NLGN1: variants seen among roughly 807,000 people sequenced by gnomAD.
The protein encoded by NLGN1 is neuroligin-1.
A neutral mutation model predicts 65.5 loss-of-function variants in NLGN1; 12 were observed. The observed-to-expected ratio is 0.18, with a 90% confidence interval of 0.12 to 0.30. The LOEUF (loss-of-function observed/expected upper bound fraction) is 0.30, where lower values mean the gene tolerates loss of function less well. Among genes scored for constraint, NLGN1 ranks in the 10% least tolerant of loss-of-function variants. The probability of loss-of-function intolerance (pLI) is 1.00; values close to 1 mark genes in which losing one functional copy is unlikely to be tolerated. For synonymous variants in NLGN1, 350 were observed against 359.5 expected (o/e 0.97, Z 0.30); for missense variants, 750 against 1,007.1 (o/e 0.74, Z 3.46).
chr3:174,273,129 T>TTCTC (rs1472836155), intron 4 of NLGN1, among the ~76,000 whole-genome samples: 1 of 151,646 alleles, frequency 6.6e-6, no homozygotes, highest in Non-Finnish European at 1.5e-5. Context: ...GATACCGTGG[T>TTCTC]TCTCTACATG....
chr3:173,433,750 T>C (rs985198653), intron 1 of NLGN1, among the ~76,000 whole-genome samples: 25 of 152,188 alleles, frequency 1.6e-4, no homozygotes, highest in Admixed American at 1.6e-3. Context: ...TTAATTGAGC[T>C]CTTCCTAAAA....
chr3:173,799,207 T>C (rs1465620667), intron 3 of NLGN1, among the ~76,000 whole-genome samples: 2 of 151,982 alleles, frequency 1.3e-5, no homozygotes, highest in African/African-American at 4.8e-5. Flanking sequence ...TTGAGTGTCG[T>C]GTGTTTGTAA....
intron 4 of NLGN1, among the ~76,000 whole-genome samples, chr3:173,880,988 A>G (rs1276998643): frequency 6.6e-6 from 1 of 152,274 alleles, no homozygotes; most frequent in East Asian, 1.9e-4. Context: ...TTGCATCTCA[A>G]AAAAAACCAC....
At chr3:173,635,406 A>G (rs1756422329) in intron 3 of NLGN1, among the ~76,000 whole-genome samples, 1 of 152,180 alleles carries the variant, frequency 6.6e-6, no homozygotes, top group Admixed American at 6.6e-5. Context: ...GTATAATGGC[A>G]ATCACAGTTG....
intron 3 of NLGN1, among the ~76,000 whole-genome samples, chr3:173,606,321 A>T (rs1023586201): frequency 2.0e-5 from 3 of 152,096 alleles, no homozygotes; most frequent in Non-Finnish European, 4.4e-5. Flanking sequence ...GCAAATGTAG[A>T]CACTGACAGC....
intron 3 of NLGN1, 56 bp downstream of exon 3, chr3:173,605,649 A>G (rs895256364): frequency 1.2e-6 from 1 of 814,094 alleles, no homozygotes; most frequent in Non-Finnish European, 1.8e-6. Context: ...AGGAAGAACA[A>G]GATACTCTCC....
chr3:174,217,707 G>A (rs771767598), intron 4 of NLGN1, among the ~76,000 whole-genome samples: 1 of 152,020 alleles, frequency 6.6e-6, no homozygotes, highest in Non-Finnish European at 1.5e-5. Flanking sequence ...TTATCTTTTG[G>A]AGAGAAACAG....
intron 4 of NLGN1, among the ~76,000 whole-genome samples, chr3:174,234,714 G>T: frequency 6.6e-6 from 1 of 152,076 alleles, no homozygotes; most frequent in Admixed American, 6.6e-5. Flanking sequence ...GGTGGGAGTT[G>T]GGGGAGCCCT....
intron 3 of NLGN1, among the ~76,000 whole-genome samples, chr3:173,620,263 A>G (rs190137896): frequency 4.6e-4 from 70 of 152,078 alleles, no homozygotes; most frequent in African/African-American, 1.6e-3. Context: ...GGGTAGAAAT[A>G]AAGAAATAAA....
chr3:173,562,175 A>C (rs186761659), intron 2 of NLGN1, among the ~76,000 whole-genome samples: 1 of 152,358 alleles, frequency 6.6e-6, no homozygotes, highest in African/African-American at 2.4e-5. Flanking sequence ...GGAATGTAGA[A>C]GAGAGTAGCT....
intron 3 of NLGN1, among the ~76,000 whole-genome samples, chr3:173,642,586 G>A (rs895092545): frequency 1.1e-4 from 16 of 152,146 alleles, no homozygotes; most frequent in African/African-American, 3.6e-4. Context: ...ATGAGACATG[G>A]GGTAGTGTAC....
upstream of NLGN1, among the ~76,000 whole-genome samples, chr3:173,397,140 T>C (rs1577263620): frequency 6.6e-6 from 1 of 152,112 alleles, no homozygotes; most frequent in Non-Finnish European, 1.5e-5. Flanking sequence ...CCCAAACGCT[T>C]TTTTTCATTT....
chr3:174,137,388 G>T (rs1306644825), intron 4 of NLGN1, among the ~76,000 whole-genome samples: 1 of 152,088 alleles, frequency 6.6e-6, no homozygotes, highest in Admixed American at 6.5e-5. Flanking sequence ...TTATAGTAAA[G>T]ATTGGTTTAG....
At chr3:174,133,908 A>ACACACG (rs1345898273) in intron 4 of NLGN1, among the ~76,000 whole-genome samples, 1 of 145,914 alleles carries the variant, frequency 6.9e-6, no homozygotes, top group Non-Finnish European at 1.6e-5. Flanking sequence ...ACACACACAC[A>ACACACG]CACACACACA....
intron 3 of NLGN1, among the ~76,000 whole-genome samples, chr3:173,794,480 T>C (rs1370176458): frequency 6.6e-6 from 1 of 152,148 alleles, no homozygotes; most frequent in Non-Finnish European, 1.5e-5. Context: ...TCTAGACATC[T>C]AGTGGCACTT....
At chr3:174,289,158 A>G (rs1752452372), downstream of NLGN1, among the ~76,000 whole-genome samples, 1 of 151,424 alleles carries the variant, frequency 6.6e-6, no homozygotes. Flanking sequence ...CAGTGTGTAA[A>G]GTACTGACAA....
At position 174,253,096 on chromosome 3, in the gene NLGN1, A is replaced by G. The variant is rs557532886; in HGVS notation, c.647-22219A>G. 5.9e-5 allele frequency among the ~76,000 whole-genome samples: 9 copies of G among 152,342 alleles called. No individual in the cohort carries two copies. The South Asian group carries it at 1.4e-3, about 25-fold the overall frequency. ...AAATAGTCTAGGTTGCTCAGTAGCT[A>G]CAAATTGATGTAGAAGTGCTTTGTA... On this transcript the variant is annotated intron_variant, in intron 4 of 6. Coordinates refer to ENST00000457714, the Ensembl canonical transcript of NLGN1.
chr3:174,163,091 A>C (rs1429632332), intron 4 of NLGN1, among the ~76,000 whole-genome samples: 1 of 151,968 alleles, frequency 6.6e-6, no homozygotes, highest in Non-Finnish European at 1.5e-5. Context: ...GAGAATTTTC[A>C]TTAATAAGTA....
At chr3:173,583,467 G>T (rs1269589237) in intron 2 of NLGN1, among the ~76,000 whole-genome samples, 1 of 152,112 alleles carries the variant, frequency 6.6e-6, no homozygotes, top group African/African-American at 2.4e-5. Context: ...GTAGAAGAAA[G>T]GTCTTTTGAC....
Sources: gnomAD v4.1 joint callset for allele counts (sites outside exome capture counted in the v4.1 genomes callset) on GRCh38, gnomAD v4.1.1 for gene constraint, MANE v1.5 for transcripts, NCBI Gene and HGNC (gene_info 2026-07-23, HGNC 2026-07-21) for gene names.